ASCC3: variants seen among roughly 807,000 people sequenced by gnomAD.
ASCC3 encodes the protein activating signal cointegrator 1 complex subunit 3.
Under a neutral mutation model 256.3 loss-of-function variants are expected in ASCC3, and 158 were observed. The observed-to-expected ratio is 0.62, with a 90% CI of 0.54 to 0.70. The LOEUF (loss-of-function observed/expected upper bound fraction) is 0.70, where lower values mean the gene tolerates loss of function less well. Ranked by LOEUF, ASCC3 falls within the 30% of genes least tolerant of loss-of-function variation. The pLI is 0.00. For missense variants in ASCC3, 2,259 were observed against 2,626.0 expected, an observed-to-expected ratio of 0.86 and a Z score of 3.05; for synonymous variants, 948 against 883.4, an observed-to-expected ratio of 1.07 and a Z score of -1.30.
chr6:100,665,187 G>T (rs969291572), intron 14 of ASCC3, among the ~76,000 whole-genome samples: 6 of 152,074 alleles, frequency 3.9e-5, no homozygotes, highest in Non-Finnish European at 8.8e-5. Flanking sequence ...AGCATCAGTG[G>T]CCAGTTTCAC....
rs140106527 is a variant in ASCC3, at chr6:100,534,966, C to T, written c.5775+5197G>A. Among the ~76,000 whole-genome samples the T allele has an allele frequency of 1.9e-3, 294 of 152,198 alleles. 3 individuals carry two copies. The highest frequency in any genetic ancestry group is 6.5e-3 in the African/African-American group (268 of 41,518). On this transcript the variant is annotated intron_variant, in intron 37 of 41. Coordinates refer to ENST00000369162, the MANE Select transcript of ASCC3 (RefSeq NM_006828.4). ...GAATAGTTAAATTACTATGATAAAG[C>T]GAGGAAATAAAAGAACTACTAAGAA... is the stretch of plus-strand genomic sequence containing the variant.
At position 100,647,453 on chromosome 6, in the gene ASCC3, T is replaced by C. The variant is rs986060083; in HGVS notation, c.3253-2A>G. 2 of 1,611,584 alleles carry C rather than the reference T, an allele frequency of 1.2e-6. No homozygotes were observed. The highest frequency in any genetic ancestry group is 1.7e-6 in the Non-Finnish European group (2 of 1,177,850). ...AGCACGGACAATTCTAGCTGCATTC[T>C]AAAAAATTATAGGAGGAGATTGGTG... On this transcript the variant is annotated splice_acceptor_variant, in intron 20 of 41. Transcript: ENST00000369162. LOFTEE classifies it high-confidence loss of function.
intron 13 of ASCC3, among the ~76,000 whole-genome samples, chr6:100,681,753 G>T (rs376668743): frequency 8.3e-5 from 10 of 119,854 alleles, no homozygotes; most frequent in African/African-American, 2.7e-4. Flanking sequence ...AAAAAGAAAA[G>T]AATATTTTAA....
intron 10 of ASCC3, among the ~76,000 whole-genome samples, chr6:100,762,762 C>T (rs1006699812): frequency 1.3e-5 from 2 of 152,062 alleles, no homozygotes; most frequent in African/African-American, 2.4e-5. Flanking sequence ...TTAATTTATA[C>T]AAGATTCTTA....
At chr6:100,788,750 G>A (rs771425582) in intron 8 of ASCC3, among the ~76,000 whole-genome samples, 8 of 151,970 alleles carry the variant, frequency 5.3e-5, no homozygotes, top group Non-Finnish European at 7.4e-5. Context: ...CTTATATGAC[G>A]TATACATAAG....
At chr6:100,828,106 A>AAAC (rs1376474672) in intron 4 of ASCC3, among the ~76,000 whole-genome samples, 12 of 151,398 alleles carry the variant, frequency 7.9e-5, no homozygotes, top group Non-Finnish European at 1.3e-4. Context: ...AAAAAAAAAA[A>AAAC]AACGAAAAAA....
At chr6:100,562,280 T>C (rs1195455175) in intron 36 of ASCC3, among the ~76,000 whole-genome samples, 1 of 152,110 alleles carries the variant, frequency 6.6e-6, no homozygotes, top group African/African-American at 2.4e-5. Flanking sequence ...AAACATAGTA[T>C]GAGAATGAAG....
chr6:100,789,442 C>T (rs1466592068), intron 8 of ASCC3, among the ~76,000 whole-genome samples: 1 of 151,914 alleles, frequency 6.6e-6, no homozygotes, highest in Non-Finnish European at 1.5e-5. Flanking sequence ...TTGAGATTTT[C>T]ATTCATTTGC....
At chr6:100,659,873 G>A (rs879061877) in intron 16 of ASCC3, among the ~76,000 whole-genome samples, 6 of 151,332 alleles carry the variant, frequency 4.0e-5, no homozygotes, top group South Asian at 4.1e-4. Flanking sequence ...TCAAAACTAC[G>A]TTAATCTTTC....
intron 14 of ASCC3, among the ~76,000 whole-genome samples, chr6:100,677,622 G>T (rs1472101017): frequency 6.6e-6 from 1 of 152,020 alleles, no homozygotes; most frequent in Non-Finnish European, 1.5e-5. Flanking sequence ...TATAATGTCA[G>T]TCTCAGAGGA....
At chr6:100,648,045 G>T (rs1775474016) in intron 20 of ASCC3, among the ~76,000 whole-genome samples, 1 of 151,974 alleles carries the variant, frequency 6.6e-6, no homozygotes, top group Non-Finnish European at 1.5e-5. Flanking sequence ...TTAATATTAT[G>T]ATTTTATAGA....
At chr6:100,629,352 A>G (rs1582593991) in intron 26 of ASCC3, among the ~76,000 whole-genome samples, 171 bp from the exon 27 acceptor site, 1 of 152,186 alleles carries the variant, frequency 6.6e-6, no homozygotes, top group Middle Eastern at 3.4e-3. Flanking sequence ...TTTCTTAAGA[A>G]CTCTAAGAAA....
chr6:100,832,049 A>T (rs1199540046), intron 4 of ASCC3, among the ~76,000 whole-genome samples: 1 of 152,140 alleles, frequency 6.6e-6, no homozygotes, highest in Non-Finnish European at 1.5e-5. Flanking sequence ...TAAAGTATTG[A>T]AGAGATGGAA....
At chr6:100,648,795 T>C (rs1775513391) in intron 20 of ASCC3, among the ~76,000 whole-genome samples, 1 of 151,898 alleles carries the variant, frequency 6.6e-6, no homozygotes, top group Non-Finnish European at 1.5e-5. Context: ...TCTACAGTTA[T>C]CCCCTCAATG....
chr6:100,533,006 C>T (rs1459094510), intron 37 of ASCC3, among the ~76,000 whole-genome samples: 1 of 151,786 alleles, frequency 6.6e-6, no homozygotes, highest in African/African-American at 2.4e-5. Context: ...TGTTTTGTTT[C>T]CTGTTTTGAA....
intron 16 of ASCC3, among the ~76,000 whole-genome samples, chr6:100,658,176 T>C (rs1776009572): frequency 2.0e-5 from 3 of 151,514 alleles, no homozygotes; most frequent in Admixed American, 2.0e-4. Context: ...ATAATACCTA[T>C]TCAAAATGCT....
At chr6:100,780,052 G>C (rs1362882618) in intron 8 of ASCC3, among the ~76,000 whole-genome samples, 1 of 151,986 alleles carries the variant, frequency 6.6e-6, no homozygotes, top group Non-Finnish European at 1.5e-5. Context: ...TATATTAAAA[G>C]TCATATAATA....
At chr6:100,642,445 T>G in intron 24 of ASCC3, 136 bp downstream of exon 24, 2 of 896,804 alleles carry the variant, frequency 2.2e-6, no homozygotes, top group Non-Finnish European at 1.7e-6. Context: ...GAATGACAAA[T>G]GAAATAAAAA....
At chr6:100,802,846 A>AT (rs1044529933) in intron 5 of ASCC3, among the ~76,000 whole-genome samples, 13 of 149,734 alleles carry the variant, frequency 8.7e-5, no homozygotes, top group South Asian at 6.4e-4. Flanking sequence ...TAAAAAAAAA[A>AT]TTTTTTTTTT....
Sources: allele counts gnomAD v4.1 joint callset (sites outside exome capture counted in the v4.1 genomes callset), GRCh38; gene constraint gnomAD v4.1.1; transcripts MANE v1.5; gene names NCBI Gene and HGNC (gene_info 2026-07-23, HGNC 2026-07-21).